Variants in ACTR3C observed in about 807,000 individuals in gnomAD.
ACTR3C encodes actin-related protein 3C.
ACTR3C carries 18 observed loss-of-function variants against 26.3 expected under a neutral mutation model. The ratio of observed to expected loss-of-function variants is 0.68; its 90% CI spans 0.47 to 1.01. The LOEUF is 1.01. ACTR3C is among the 50% of genes least tolerant of loss of function. The pLI is 0.00. For synonymous variants in ACTR3C, 55 were observed against 94.5 expected (o/e 0.58, Z 2.42); for missense variants, 184 against 250.7 (o/e 0.73, Z 1.80).
At chr7:149,898,495 A>G in the ACTR3C span, among the ~76,000 whole-genome samples, 1 of 152,254 alleles carries the variant, frequency 6.6e-6, no homozygotes, top group Non-Finnish European at 1.5e-5. Context: ...CACAAGGTCA[A>G]GAGATCGAGA....
the ACTR3C span, among the ~76,000 whole-genome samples, chr7:150,188,028 A>G: frequency 6.7e-6 from 1 of 150,112 alleles, no homozygotes; most frequent in Non-Finnish European, 1.5e-5. Flanking sequence ...TTTCTTACTG[A>G]TTATCTGACA....
chr7:150,174,686 A>G, the ACTR3C span, among the ~76,000 whole-genome samples: 1 of 141,450 alleles, frequency 7.1e-6, no homozygotes, highest in African/African-American at 3.1e-5. Context: ...TCAATAAGAA[A>G]TGTATATTTG....
the ACTR3C span, among the ~76,000 whole-genome samples, chr7:150,228,421 T>A: frequency 6.6e-6 from 1 of 152,218 alleles, no homozygotes; most frequent in East Asian, 1.9e-4. Flanking sequence ...TTATCTTATA[T>A]GACAAAAGGG....
At chr7:149,932,250 C>G in the ACTR3C span, among the ~76,000 whole-genome samples, 25 of 152,082 alleles carry the variant, frequency 1.6e-4, no homozygotes, top group Non-Finnish European at 3.7e-4. Context: ...CAAATGACTC[C>G]ATTTATATGA....
chr7:149,894,143 T>C, the ACTR3C span, among the ~76,000 whole-genome samples: 1 of 152,176 alleles, frequency 6.6e-6, no homozygotes, highest in Admixed American at 6.5e-5. Context: ...ACTCAACTGA[T>C]TTTACACAAC....
At chr7:150,148,905 G>A in the ACTR3C span, among the ~76,000 whole-genome samples, 25 of 148,436 alleles carry the variant, frequency 1.7e-4, no homozygotes, top group South Asian at 6.4e-4. Context: ...TAGTGCTGGC[G>A]TTGCCCCCTC....
chr7:150,174,403 G>T, the ACTR3C span, among the ~76,000 whole-genome samples: 2 of 138,774 alleles, frequency 1.4e-5, no homozygotes, highest in African/African-American at 6.6e-5. Flanking sequence ...GGGAAAGACT[G>T]GCCCCCATGA....
chr7:149,885,719 C>T, the ACTR3C span, among the ~76,000 whole-genome samples: 459 of 152,356 alleles, frequency 3.0e-3, 5 homozygotes, highest in African/African-American at 0.01. Context: ...ATTCTGTGTC[C>T]CACACAGCAG....
the ACTR3C span, among the ~76,000 whole-genome samples, chr7:150,039,697 G>GT: frequency 8.7e-4 from 22 of 25,384 alleles, no homozygotes; most frequent in Middle Eastern, 0.029. Context: ...GTCCTAAGCC[G>GT]GGGGGGAAGA....
intron 1 of ACTR3C, among the ~76,000 whole-genome samples, chr7:150,310,599 A>C (rs1316742778): frequency 6.6e-6 from 1 of 151,868 alleles, no homozygotes; most frequent in Non-Finnish European, 1.5e-5. Context: ...ATCGACCTCA[A>C]AGATGCCTTC....
chr7:150,149,703 T>C, the ACTR3C span, among the ~76,000 whole-genome samples: 1 of 152,128 alleles, frequency 6.6e-6, no homozygotes, highest in Non-Finnish European at 1.5e-5. Flanking sequence ...TAGTATTCCA[T>C]GGCATATGTG....
the ACTR3C span, among the ~76,000 whole-genome samples, chr7:150,099,531 A>G: frequency 8.2e-4 from 125 of 151,526 alleles, no homozygotes; most frequent in Admixed American, 2.0e-3. Flanking sequence ...ATGATGATCT[A>G]TGGGACATCC....
the ACTR3C span, among the ~76,000 whole-genome samples, chr7:150,125,018 T>C: frequency 6.6e-6 from 1 of 152,262 alleles, no homozygotes; most frequent in Admixed American, 6.5e-5. Context: ...GCTTTTTGAC[T>C]TCAAAGTCTC....
At chr7:150,213,572 C>T in the ACTR3C span, among the ~76,000 whole-genome samples, 2 of 152,020 alleles carry the variant, frequency 1.3e-5, no homozygotes, top group Admixed American at 6.5e-5. Context: ...GAGGAGGCTG[C>T]TCAATTCCTA....
chr7:150,039,310 C>G, the ACTR3C span, among the ~76,000 whole-genome samples: 1 of 148,064 alleles, frequency 6.8e-6, no homozygotes, highest in African/African-American at 2.6e-5. Flanking sequence ...TACCAACAGC[C>G]AGGGGCGGAA....
intron 1 of ACTR3C, among the ~76,000 whole-genome samples, chr7:150,319,524 G>A (rs1050021745): frequency 2.6e-5 from 4 of 152,124 alleles, no homozygotes; most frequent in African/African-American, 4.8e-5. Context: ...AACTTCTTAA[G>A]GGTCTGTCTA....
intron 3 of ACTR3C, among the ~76,000 whole-genome samples, chr7:150,292,650 A>C (rs1299695129): frequency 6.6e-6 from 1 of 152,082 alleles, no homozygotes; most frequent in Non-Finnish European, 1.5e-5. Context: ...GGCATGCGCC[A>C]CCACACCTGG....
At chr7:150,215,601 C>G in the ACTR3C span, among the ~76,000 whole-genome samples, 1 of 152,130 alleles carries the variant, frequency 6.6e-6, no homozygotes, top group Non-Finnish European at 1.5e-5. Flanking sequence ...ATAACTCATC[C>G]CTTTTGGCTT....
the ACTR3C span, among the ~76,000 whole-genome samples, chr7:150,207,369 T>C: frequency 6.6e-6 from 1 of 152,208 alleles, no homozygotes; most frequent in Non-Finnish European, 1.5e-5. Context: ...AAAATAATAG[T>C]TTCTTAGTTA....
Sources: gnomAD v4.1 joint callset for allele counts (sites outside exome capture counted in the v4.1 genomes callset) on GRCh38, gnomAD v4.1.1 for gene constraint, MANE v1.5 for transcripts, NCBI Gene and HGNC (gene_info 2026-07-23, HGNC 2026-07-21) for gene names.